ARSG: variants seen among roughly 807,000 people sequenced by gnomAD.
The protein encoded by ARSG is ASG.
A neutral mutation model predicts 50.5 loss-of-function variants in ARSG; 37 were observed. The ratio of observed to expected loss-of-function variants is 0.73; its 90% CI spans 0.56 to 0.96. The LOEUF (loss-of-function observed/expected upper bound fraction) is 0.96. Among genes scored for constraint, ARSG ranks in the 50% least tolerant of loss-of-function variants. The pLI is 0.00. For missense variants in ARSG, 629 were observed against 675.3 expected (o/e 0.93, Z 0.76); for synonymous variants, 225 against 254.6 (o/e 0.88, Z 1.11).
intron 5 of ARSG, among the ~76,000 whole-genome samples, chr17:68,354,819 G>C (rs530704482): frequency 2.0e-5 from 3 of 151,316 alleles, no homozygotes; most frequent in African/African-American, 7.3e-5. Context: ...AGCTGAGATT[G>C]TGCCACTGCA....
intron 5 of ARSG, among the ~76,000 whole-genome samples, chr17:68,355,162 A>C (rs1329473610): frequency 6.6e-6 from 1 of 152,124 alleles, no homozygotes; most frequent in African/African-American, 2.4e-5. Context: ...CAATGCACTA[A>C]CCATTTGTTA....
chr17:68,329,698 G>C (rs975128716), intron 2 of ARSG, among the ~76,000 whole-genome samples: 2 of 152,176 alleles, frequency 1.3e-5, no homozygotes, highest in Non-Finnish European at 2.9e-5. Context: ...AGGGTTTCCA[G>C]CCAGGGACTA....
rs147890900 is a variant in ARSG at position 68,326,525 on chromosome 17, C to T, written c.219-17079C>T. The stretch of plus-strand genomic sequence containing the variant: ...ACTCTAAATACAAAAATTAGCCAGG[C>T]GTGGTGGCCCATGCCTATAGTCCCA... On this transcript the variant is annotated intron_variant, in intron 2 of 11. Coordinates refer to ENST00000621439, the MANE Select transcript of ARSG (RefSeq NM_001267727.2). Among the ~76,000 whole-genome samples the T allele has an allele frequency of 5.8e-3, 881 of 152,230 alleles. 10 individuals are homozygous for T. Among genetic ancestry groups the T allele is most frequent in the African/African-American group, 0.021 (854 of 41,538 alleles).
At chr17:68,355,673 C>T (rs1317385963) in intron 5 of ARSG, among the ~76,000 whole-genome samples, 1 of 152,034 alleles carries the variant, frequency 6.6e-6, no homozygotes, top group African/African-American at 2.4e-5. Flanking sequence ...AACTTCTGAC[C>T]TCAGGTGATC....
chr17:68,379,435 T>TTC (rs948947939), intron 8 of ARSG, among the ~76,000 whole-genome samples: 4 of 141,938 alleles, frequency 2.8e-5, no homozygotes, highest in African/African-American at 7.9e-5. Context: ...TTTTTTTTTT[T>TTC]TTTTTTTTTT....
the ARSG span, among the ~76,000 whole-genome samples, chr17:68,437,789 T>C: frequency 2.6e-5 from 4 of 151,920 alleles, no homozygotes; most frequent in Admixed American, 6.5e-5. Context: ...GCTGTTTTTA[T>C]TTATAAGGGG....
At chr17:68,428,624 G>A in the ARSG span, 16 of 531,118 alleles carry the variant, frequency 3.0e-5, no homozygotes, top group Admixed American at 4.7e-4. Flanking sequence ...TATTAATCCT[G>A]GCACTTTTCC....
chr17:68,265,736 A>C (rs1389786017), intron 1 of ARSG, among the ~76,000 whole-genome samples: 2 of 140,308 alleles, frequency 1.4e-5, no homozygotes, highest in East Asian at 4.2e-4. Context: ...TCAGCCTGAG[A>C]GCTAATAGTG....
At chr17:68,372,877 ATTTTTTTTTTT>A (rs55668215) in intron 8 of ARSG, among the ~76,000 whole-genome samples, 7 of 93,164 alleles carry the variant, frequency 7.5e-5, no homozygotes, top group Admixed American at 1.3e-4. Flanking sequence ...GGAAATGCTG[ATTTTTTTTTTT>A]TTTTTTTTTT....
downstream of ARSG, among the ~76,000 whole-genome samples, chr17:68,424,890 A>G (rs2083056881): frequency 6.6e-6 from 1 of 152,208 alleles, no homozygotes; most frequent in Admixed American, 6.5e-5. Flanking sequence ...AACAAAACAA[A>G]ACAAATCAGT....
At chr17:68,372,303 TC>T (rs2079887527) in intron 8 of ARSG, among the ~76,000 whole-genome samples, 1 of 152,164 alleles carries the variant, frequency 6.6e-6, no homozygotes, top group Non-Finnish European at 1.5e-5. Context: ...GATCGATCGA[TC>T]GATCGAAACA....
chr17:68,426,069 G>A (rs529785184), downstream of ARSG: 1 of 1,612,630 alleles, frequency 6.2e-7, no homozygotes, highest in Admixed American at 1.7e-5. Context: ...GGTTCCTAAT[G>A]CTCACAGGAG....
chr17:68,413,715 C>G (rs922277819), intron 11 of ARSG: 4 of 159,942 alleles, frequency 2.5e-5, no homozygotes, highest in African/African-American at 9.6e-5. Flanking sequence ...CCCCCAGCCT[C>G]GCTGCCGCCT....
chr17:68,319,508 G>A (rs1243485645), intron 2 of ARSG, among the ~76,000 whole-genome samples: 4 of 152,230 alleles, frequency 2.6e-5, no homozygotes, highest in Non-Finnish European at 5.9e-5. Context: ...CAATGACCTA[G>A]ATGGTAGCCA....
At chr17:68,298,283 G>A (rs2076281025) in intron 1 of ARSG, among the ~76,000 whole-genome samples, 1 of 151,974 alleles carries the variant, frequency 6.6e-6, no homozygotes, top group Non-Finnish European at 1.5e-5. Flanking sequence ...AATCTGTCTT[G>A]GGGTGCTCAG....
the ARSG span, among the ~76,000 whole-genome samples, chr17:68,429,127 T>G: frequency 6.6e-6 from 1 of 152,230 alleles, no homozygotes; most frequent in South Asian, 2.1e-4. Context: ...TCAGGATTAT[T>G]TCTTGTCTTT....
At chr17:68,415,919 A>G (rs2082337371) in intron 11 of ARSG, among the ~76,000 whole-genome samples, 1 of 152,118 alleles carries the variant, frequency 6.6e-6, no homozygotes, top group African/African-American at 2.4e-5. Flanking sequence ...TATATGTTAG[A>G]TGAGTCTCCC....
intron 5 of ARSG, among the ~76,000 whole-genome samples, chr17:68,352,293 T>C (rs993260269): frequency 6.6e-6 from 1 of 151,772 alleles, no homozygotes; most frequent in Admixed American, 6.6e-5. Flanking sequence ...ATAGGATGTT[T>C]TGAAAAAACA....
intron 2 of ARSG, among the ~76,000 whole-genome samples, chr17:68,329,441 T>C (rs2077634997): frequency 6.6e-6 from 1 of 152,170 alleles, no homozygotes; most frequent in Non-Finnish European, 1.5e-5. Flanking sequence ...CACATTGTGC[T>C]GTAAGGGGAC....
Sources: allele counts gnomAD v4.1 joint callset (sites outside exome capture counted in the v4.1 genomes callset), GRCh38; gene constraint gnomAD v4.1.1; transcripts MANE v1.5; gene names NCBI Gene and HGNC (gene_info 2026-07-23, HGNC 2026-07-21).